Variants in NABP1 observed in about 807,000 individuals in gnomAD.
The protein encoded by NABP1 is SOSS complex subunit B2.
Under a neutral mutation model 25.0 loss-of-function variants are expected in NABP1, and 18 were observed. The ratio of observed to expected loss-of-function variants is 0.72; its 90% CI spans 0.50 to 1.07. The LOEUF (loss-of-function observed/expected upper bound fraction) is 1.07. NABP1 is among the 50% of genes least tolerant of loss of function. The probability of loss-of-function intolerance (pLI) is 0.00; values close to 1 mark genes in which losing one functional copy is unlikely to be tolerated. For missense variants in NABP1, 270 were observed against 255.6 expected, an observed-to-expected ratio of 1.06 and a Z score of -0.39; for synonymous variants, 71 against 85.0, an observed-to-expected ratio of 0.84 and a Z score of 0.91.
At position 191,684,289 on chromosome 2, in the gene NABP1, A is replaced by G; in HGVS notation, c.438A>G (p.Gly146=). The G allele has an allele frequency of 6.6e-7, 1 of 1,526,416 alleles. No homozygotes were observed. Among genetic ancestry groups the G allele is most frequent in the Non-Finnish European group, 8.7e-7 (1 of 1,145,938 alleles). 94.6% of individuals were successfully genotyped at this position (1,526,416 alleles called of 1,614,324 possible). The change falls in exon 5 of 6, where the codon GGA becomes GGG. Residue 146 remains glycine, a synonymous_variant. Transcript: ENST00000425611. ...MNSNMGTGTF[G]PVGNGVHTGP... is the part of the protein sequence containing the mutation. ...GTAATATGGGTACAGGTACATTTGG[A>G]CCAGTGGGTAAGATTTTGTTTGTGT...
In NABP1 at chr2:191,685,628, A is replaced by G. The variant is rs1210493974; in HGVS notation, c.475A>G (p.Arg159Gly). The change falls in exon 6 of 6, where the codon AGG becomes GGG. Residue 159 changes from arginine to glycine, a missense_variant. Transcript: ENST00000425611. ...GNGVHTGPES[R>G]EHQFSHAGRS... ...TGGTGTTCACACTGGCCCTGAATCA[A>G]GGGAACACCAGTTTTCACATGCTGG... 1 of 1,613,682 alleles carries G rather than the reference A, an allele frequency of 6.2e-7. No homozygotes were observed. The highest frequency in any genetic ancestry group is 2.2e-5 in the East Asian group (1 of 44,858).
intron 2 of NABP1, among the ~76,000 whole-genome samples, chr2:191,679,469 C>T (rs914385732): frequency 2.0e-5 from 3 of 152,224 alleles, no homozygotes; most frequent in Non-Finnish European, 2.9e-5. Flanking sequence ...CTCCGCCTCG[C>T]GGGTTCAAGA....
chr2:191,682,622 A>C (rs780336042), intron 3 of NABP1: 7 of 469,774 alleles, frequency 1.5e-5, no homozygotes, highest in South Asian at 9.3e-5. Context: ...GTTAGCCTAG[A>C]CATTGGGTTG....
At position 191,686,214 on chromosome 2, in the gene NABP1, T is replaced by C. The variant is rs969270385; in HGVS notation, c.*446T>C. The C allele has an allele frequency of 6.5e-6, 1 of 152,820 alleles. No homozygotes were observed. The highest frequency in any genetic ancestry group is 2.4e-5 in the African/African-American group (1 of 41,462). 9.5% of individuals were successfully genotyped at this position (152,820 alleles called of 1,614,324 possible). ...CACAAGAACTTGTCAATGCTAGCAG[T>C]AATTTTTGAGTGTTTGTGGCTCTCG... On this transcript the variant is annotated 3_prime_UTR_variant, in exon 6 of 6. Coordinates refer to ENST00000425611, the MANE Select transcript of NABP1 (RefSeq NM_001031716.5).
rs981031222 is a variant in NABP1 at position 191,678,603 on chromosome 2, G to A, written c.-12G>A. The A allele has an allele frequency of 1.9e-6, 3 of 1,602,458 alleles. No homozygotes were observed. The highest frequency in any genetic ancestry group is 2.6e-6 in the Non-Finnish European group (3 of 1,172,092). ...CTCGCGTCTCCGCAGCCGTAGCCGC[G>A]CCTGTCCCAATATGAATAGGGTCAA... On this transcript the variant is annotated 5_prime_UTR_variant, in exon 1 of 6. Coordinates refer to ENST00000425611, the MANE Select transcript of NABP1 (RefSeq NM_001031716.5).
At chr2:191,684,131 G>C in intron 4 of NABP1, 99 bp from the exon 5 acceptor site, 5 of 614,246 alleles carry the variant, frequency 8.1e-6, no homozygotes, top group Admixed American at 7.6e-5. Context: ...AAAAAAAAAA[G>C]CCAAACCCAA....
Position 191,683,612 on chromosome 2 carries a change from G to T in NABP1, c.303-117G>T. 1 of 695,744 alleles carries T rather than the reference G, an allele frequency of 1.4e-6. No individual in the cohort carries two copies. The highest frequency in any genetic ancestry group is 2.5e-6 in the Non-Finnish European group (1 of 407,800). The allele number at this position is 695,744 out of a possible 1,614,324, so 43.1% of individuals were successfully genotyped here. A position where few individuals can be genotyped will look rare whatever the true frequency, so the allele number is the denominator to read the frequency against. The stretch of plus-strand genomic sequence containing the variant: ...TTTGTTGTAAATGAAGAGTTAGTTT[G>T]TTGCTATTAATTTGTTTGACACATA... On this transcript the variant is annotated intron_variant, in intron 3 of 5. Coordinates refer to ENST00000425611, the MANE Select transcript of NABP1 (RefSeq NM_001031716.5). The surrounding 1 kb of genome is among the most constrained non-coding windows in gnomAD (Gnocchi z 4.1).
At position 191,683,713 on chromosome 2, in the gene NABP1, C is replaced by CT; in HGVS notation, c.303-13dup. The CT allele has an allele frequency of 2.5e-6, 4 of 1,595,116 alleles. No homozygotes were observed. The highest frequency in any genetic ancestry group is 3.4e-6 in the Non-Finnish European group (4 of 1,165,260). Reference sequence around the variant, plus strand: ...TATTTCAGAAGTCATTTAATTTTTTCTTTATTTTCTTTCAGATTTTGTATG... The same window carrying CT: ...TATTTCAGAAGTCATTTAATTTTTTCTTTTATTTTCTTTCAGATTTTGTATG... On this transcript the variant is annotated splice_polypyrimidine_tract_variant and intron_variant, in intron 3 of 5. Coordinates refer to ENST00000425611, the MANE Select transcript of NABP1 (RefSeq NM_001031716.5). The surrounding 1 kb of genome is among the most constrained non-coding windows in gnomAD (Gnocchi z 4.1).
In NABP1 at chr2:191,685,668, G is replaced by C. The variant is rs774088858; in HGVS notation, c.515G>C (p.Arg172Pro). The change falls in exon 6 of 6, where the codon CGG becomes CCG. Residue 172 changes from arginine to proline, a missense_variant. Coordinates refer to ENST00000425611, the MANE Select transcript of NABP1 (RefSeq NM_001031716.5). ...QFSHAGRSNG[R>P]GLINPQLQGT... ...TCACATGCTGGCAGAAGCAATGGCC[G>C]GGGACTTATAAATCCACAACTACAA... 6 of 1,613,716 alleles carry C rather than the reference G, an allele frequency of 3.7e-6. No individual in the cohort carries two copies.
intron 5 of NABP1, among the ~76,000 whole-genome samples, chr2:191,684,668 G>C (rs949657203): frequency 1.3e-5 from 2 of 152,110 alleles, no homozygotes; most frequent in Non-Finnish European, 2.9e-5. Flanking sequence ...AGTAGCTGCT[G>C]CTTTAAAAGA....
rs1687748718 is a variant in NABP1 at position 191,683,932 on chromosome 2, A to G, written c.378+128A>G. 1.3e-6 allele frequency: 1 copy of G among 796,176 alleles called. No individual in the cohort carries two copies. The highest frequency in any genetic ancestry group is 2.8e-5 in the East Asian group (1 of 35,316). 49.3% of individuals were successfully genotyped at this position (796,176 alleles called of 1,614,324 possible). Reference sequence around the variant, plus strand: ...TAAAAGGATACTTAATTTTTATTGTATGTTTTGTGAGGATATGTATCTGAG... The same window carrying G: ...TAAAAGGATACTTAATTTTTATTGTGTGTTTTGTGAGGATATGTATCTGAG... On this transcript the variant is annotated intron_variant, in intron 4 of 5. Transcript: ENST00000425611. The surrounding 1 kb of genome is among the most constrained non-coding windows in gnomAD (Gnocchi z 4.1).
chr2:191,679,364 G>C (rs1413446144), intron 2 of NABP1, among the ~76,000 whole-genome samples: 1 of 152,142 alleles, frequency 6.6e-6, no homozygotes, highest in East Asian at 1.9e-4. Context: ...CGGTTTACAG[G>C]TTAAGTAGAT....
At chr2:191,680,028 A>C (rs1480351812) in intron 2 of NABP1, among the ~76,000 whole-genome samples, 1 of 152,244 alleles carries the variant, frequency 6.6e-6, no homozygotes, top group Non-Finnish European at 1.5e-5. Context: ...AGGGATACAC[A>C]GAAAATGTTT....
Position 191,678,495 on chromosome 2 carries a change from C to T in NABP1, c.-120C>T. The stretch of plus-strand genomic sequence containing the variant: ...CCTGACTAACGGCTTTCTGCCCCTT[C>T]TCTCGCCACCCCTGCCCAAGGTCGC... On this transcript the variant is annotated 5_prime_UTR_variant, in exon 1 of 6. Transcript: ENST00000425611. 4.1e-6 allele frequency: 2 copies of T among 484,464 alleles called. No homozygotes were observed. The highest frequency in any genetic ancestry group is 7.2e-6 in the Non-Finnish European group (2 of 279,188). 30.0% of individuals were successfully genotyped at this position (484,464 alleles called of 1,614,324 possible). A position where few individuals can be genotyped will look rare whatever the true frequency, so the allele number is the denominator to read the frequency against.
chr2:191,683,677 G>C lies in NABP1; in HGVS notation c.303-52G>C, dbSNP rs1246316761. ...AGTTAGAGATGTTACATAAAGAAGGGTTGAGGACTTTATTTCAGAAGTCAT... is the reference window on the plus strand; with the variant it reads ...AGTTAGAGATGTTACATAAAGAAGGCTTGAGGACTTTATTTCAGAAGTCAT... On this transcript the variant is annotated intron_variant, in intron 3 of 5. Coordinates refer to ENST00000425611, the MANE Select transcript of NABP1 (RefSeq NM_001031716.5). The surrounding 1 kb of genome is among the most constrained non-coding windows in gnomAD (Gnocchi z 4.1). 7.5e-7 allele frequency: 1 copy of C among 1,339,114 alleles called. No homozygotes were observed. Among genetic ancestry groups the C allele is most frequent in the East Asian group, 2.4e-5 (1 of 42,006 alleles). The allele number at this position is 1,339,114 out of a possible 1,614,324, so 83.0% of individuals were successfully genotyped here.
chr2:191,679,685 T>C (rs560746193), intron 2 of NABP1, among the ~76,000 whole-genome samples: 2 of 152,346 alleles, frequency 1.3e-5, no homozygotes, highest in Non-Finnish European at 2.9e-5. Context: ...CATAGATTTT[T>C]AGTTCTATTC....
Position 191,685,725 on chromosome 2 carries a change from CAAT to C in NABP1, c.575_577del (p.Ile192del). The C allele has an allele frequency of 6.2e-7, 1 of 1,614,076 alleles. No homozygotes were observed. The highest frequency in any genetic ancestry group is 8.5e-7 in the Non-Finnish European group (1 of 1,179,978). The stretch of plus-strand genomic sequence containing the variant: ...GCTAGTAATCAAACAGTGATGACCA[CAAT>C]AAGTAATGGCAGGGACCCTCGGAGA... On this transcript the variant is annotated inframe_deletion, in exon 6 of 6. Transcript: ENST00000425611.
chr2:191,678,423 T>TTG lies in NABP1; in HGVS notation c.-191_-190insGT. The stretch of plus-strand genomic sequence containing the variant: ...TGAGCCTTTTTTTTTTTTTTTTTTT[T>TTG]TTTTCTTTTTTTAGGCTCAGTGCTG... On this transcript the variant is annotated 5_prime_UTR_variant, in exon 1 of 6. Transcript: ENST00000425611. 2 of 161,974 alleles carry TTG rather than the reference T, an allele frequency of 1.2e-5. No individual in the cohort carries two copies. The highest frequency in any genetic ancestry group is 2.7e-5 in the Non-Finnish European group (2 of 75,024). 10.0% of individuals were successfully genotyped at this position (161,974 alleles called of 1,614,324 possible).
At position 191,683,773 on chromosome 2, in the gene NABP1, A is replaced by G; in HGVS notation, c.347A>G (p.Asn116Ser). Residue 116 changes from asparagine to serine, a missense_variant, in exon 4 of 6, where the codon AAC becomes AGC. Transcript: ENST00000425611. This position sits in a 1 kb window ranked among gnomAD's most constrained non-coding sequence, Gnocchi z 4.1. ...YSEVPNFSEPNPDYRGQQNKG... is the reference protein window; with the variant it reads ...YSEVPNFSEPSPDYRGQQNKG... ...GAAGTGCCAAATTTCAGTGAACCCAACCCAGATTATCGAGGACAGCAGAAC... is the reference window on the plus strand; with the variant it reads ...GAAGTGCCAAATTTCAGTGAACCCAGCCCAGATTATCGAGGACAGCAGAAC... The G allele has an allele frequency of 6.2e-7, 1 of 1,610,084 alleles. No homozygotes were observed. Among genetic ancestry groups the G allele is most frequent in the Non-Finnish European group, 8.5e-7 (1 of 1,179,056 alleles).
Sources: gnomAD v4.1 joint callset for allele counts (sites outside exome capture counted in the v4.1 genomes callset) on GRCh38, gnomAD v4.1.1 for gene constraint, Gnocchi (gnomAD v3.1) non-coding constraint, MANE v1.5 for transcripts, NCBI Gene and HGNC (gene_info 2026-07-23, HGNC 2026-07-21) for gene names.